PRKG1: variants seen among roughly 807,000 people sequenced by gnomAD.
The protein encoded by PRKG1 is cGMP-dependent protein kinase 1.
PRKG1 carries 35 observed loss-of-function variants against 88.1 expected under a neutral mutation model. The ratio of observed to expected loss-of-function variants is 0.40; its 90% CI spans 0.30 to 0.53. The LOEUF (loss-of-function observed/expected upper bound fraction) is 0.53, where lower values mean the gene tolerates loss of function less well. PRKG1 is among the 20% of genes least tolerant of loss of function. PRKG1 has a pLI of 0.59. For missense variants in PRKG1, 540 were observed against 839.8 expected, an observed-to-expected ratio of 0.64 and a Z score of 4.41; for synonymous variants, 303 against 292.5, an observed-to-expected ratio of 1.04 and a Z score of -0.37.
chr10:52,144,599 T>A (rs1564488623), intron 8 of PRKG1, among the ~76,000 whole-genome samples: 1 of 152,102 alleles, frequency 6.6e-6, no homozygotes, highest in Non-Finnish European at 1.5e-5. Flanking sequence ...TCACTTGAGG[T>A]CAGGAGTTCG....
chr10:51,232,665 C>A (rs1223008129), intron 2 of PRKG1, among the ~76,000 whole-genome samples: 1 of 152,094 alleles, frequency 6.6e-6, no homozygotes, highest in African/African-American at 2.4e-5. Context: ...AAAAAAAATT[C>A]TTGACAAAAG....
intron 2 of PRKG1, among the ~76,000 whole-genome samples, chr10:51,306,234 T>C (rs1028122543): frequency 1.3e-5 from 2 of 152,212 alleles, no homozygotes; most frequent in Non-Finnish European, 1.5e-5. Flanking sequence ...AGAGAGAATA[T>C]GGCATTTGTA....
chr10:52,045,524 A>T (rs1845844242), intron 5 of PRKG1, among the ~76,000 whole-genome samples: 1 of 152,056 alleles, frequency 6.6e-6, no homozygotes, highest in African/African-American at 2.4e-5. Flanking sequence ...GACATAAAGG[A>T]ATGTGACAAG....
chr10:51,281,007 C>G (rs9703813), intron 2 of PRKG1, among the ~76,000 whole-genome samples: 20,677 of 152,158 alleles, frequency 0.14, 1,516 homozygotes, highest in East Asian at 0.19. Flanking sequence ...TCTACTTTTG[C>G]TCTTTGATGA....
chr10:51,184,780 G>A (rs575817007), intron 2 of PRKG1, among the ~76,000 whole-genome samples: 7 of 151,968 alleles, frequency 4.6e-5, no homozygotes, highest in African/African-American at 1.2e-4. Context: ...GCAACTCTTC[G>A]ACCCATCTTT....
chr10:51,236,590 C>A (rs1295515092), intron 2 of PRKG1, among the ~76,000 whole-genome samples: 1 of 151,746 alleles, frequency 6.6e-6, no homozygotes, highest in African/African-American at 2.4e-5. Flanking sequence ...GCAACCTCTA[C>A]CTCCTAGGTT....
chr10:51,981,416 C>G (rs1404010623), intron 5 of PRKG1, among the ~76,000 whole-genome samples: 1 of 152,020 alleles, frequency 6.6e-6, no homozygotes, highest in Non-Finnish European at 1.5e-5. Flanking sequence ...GAAAGCCCAT[C>G]TCTACTAAGA....
chr10:52,249,319 G>C (rs1377813547), intron 9 of PRKG1, among the ~76,000 whole-genome samples: 1 of 151,348 alleles, frequency 6.6e-6, no homozygotes, highest in East Asian at 2.0e-4. Context: ...GTGACTTATG[G>C]AACTTCCTGA....
chr10:51,143,679 G>T (rs1285440553), intron 1 of PRKG1, among the ~76,000 whole-genome samples: 3 of 151,990 alleles, frequency 2.0e-5, no homozygotes, highest in Non-Finnish European at 4.4e-5. Context: ...CAGGTGTAAG[G>T]TTAGATCTCA....
At chr10:52,036,131 CT>C (rs940144487) in intron 5 of PRKG1, among the ~76,000 whole-genome samples, 6 of 152,040 alleles carry the variant, frequency 3.9e-5, no homozygotes, top group Non-Finnish European at 7.4e-5. Context: ...GTCTGTGAAG[CT>C]TTGCGGCAGT....
intron 12 of PRKG1, among the ~76,000 whole-genome samples, chr10:52,272,805 G>T (rs921882062): frequency 6.6e-5 from 10 of 152,028 alleles, no homozygotes; most frequent in African/African-American, 9.7e-5. Flanking sequence ...TTAGCAGAAA[G>T]AGAATTATAG....
intron 1 of PRKG1, among the ~76,000 whole-genome samples, chr10:51,031,945 C>T (rs757907523): frequency 3.9e-5 from 6 of 152,134 alleles, no homozygotes; most frequent in Non-Finnish European, 8.8e-5. Context: ...AATGTTAAGC[C>T]TATTGAGCAA....
chr10:51,554,993 G>A (rs1837273846), intron 3 of PRKG1, among the ~76,000 whole-genome samples: 1 of 151,906 alleles, frequency 6.6e-6, no homozygotes, highest in African/African-American at 2.4e-5. Flanking sequence ...TGTTAAACAT[G>A]CTCTTTATGC....
intron 2 of PRKG1, among the ~76,000 whole-genome samples, chr10:51,285,236 A>G (rs1473781435): frequency 6.6e-6 from 1 of 151,876 alleles, no homozygotes; most frequent in East Asian, 1.9e-4. Context: ...TTTTCATTGC[A>G]CTGAACAATG....
At chr10:52,146,659 A>G (rs1208762107) in intron 8 of PRKG1, among the ~76,000 whole-genome samples, 1 of 152,206 alleles carries the variant, frequency 6.6e-6, no homozygotes, top group Non-Finnish European at 1.5e-5. Context: ...CCATGTTAAT[A>G]AAAACACTTC....
chr10:51,249,457 A>G (rs1839374891), intron 2 of PRKG1, among the ~76,000 whole-genome samples: 2 of 151,884 alleles, frequency 1.3e-5, no homozygotes, highest in African/African-American at 4.8e-5. Flanking sequence ...TGCTGTTTAT[A>G]AATGGCTGTA....
At chr10:52,278,681 A>G (rs1841929775) in intron 12 of PRKG1, among the ~76,000 whole-genome samples, 1 of 152,074 alleles carries the variant, frequency 6.6e-6, no homozygotes, top group Non-Finnish European at 1.5e-5. Context: ...TAATCCTAGC[A>G]CTTTGGGAGG....
At chr10:51,319,089 T>C (rs1841391377) in intron 2 of PRKG1, among the ~76,000 whole-genome samples, 1 of 152,238 alleles carries the variant, frequency 6.6e-6, no homozygotes. Flanking sequence ...TCTTACACAT[T>C]CCTGTGAATT....
chr10:51,466,005 G>C (rs1438987258), intron 2 of PRKG1, among the ~76,000 whole-genome samples: 1 of 152,154 alleles, frequency 6.6e-6, no homozygotes, highest in Non-Finnish European at 1.5e-5. Context: ...GCAAAGAGAA[G>C]TTAAGCAATT....
Sources: allele counts gnomAD v4.1 joint callset (sites outside exome capture counted in the v4.1 genomes callset), GRCh38; gene constraint gnomAD v4.1.1; transcripts MANE v1.5; gene names NCBI Gene and HGNC (gene_info 2026-07-23, HGNC 2026-07-21).